GABRA3: variants seen among roughly 807,000 people sequenced by gnomAD.
GABRA3 encodes the protein gamma-aminobutyric acid receptor subunit alpha-3.
A neutral mutation model predicts 30.1 loss-of-function variants in GABRA3; 10 were observed. The ratio of observed to expected loss-of-function variants is 0.33; its 90% CI spans 0.20 to 0.56. The LOEUF (loss-of-function observed/expected upper bound fraction) is 0.56, where lower values mean the gene tolerates loss of function less well. GABRA3 is among the 20% of genes least tolerant of loss of function. The probability of loss-of-function intolerance (pLI) is 0.89; values close to 1 mark genes in which losing one functional copy is unlikely to be tolerated. For synonymous variants in GABRA3, 151 were observed against 146.8 expected, an observed-to-expected ratio of 1.03 and a Z score of -0.21; for missense variants, 233 against 392.0, an observed-to-expected ratio of 0.59 and a Z score of 3.42.
intron 4 of GABRA3, among the ~76,000 whole-genome samples, chrX:152,272,275 G>A (rs1037764518): frequency 8.9e-6 from 1 of 112,547 alleles, no homozygotes; most frequent in African/African-American, 3.2e-5. Flanking sequence ...GCCCAAGGCT[G>A]TGGGAGCCCA....
chrX:152,230,649 T>TA (rs1160215768), intron 5 of GABRA3, among the ~76,000 whole-genome samples: 1 of 110,833 alleles, frequency 9.0e-6, no homozygotes, highest in Non-Finnish European at 1.9e-5. Context: ...AATCCAGAAA[T>TA]AAACTTTGAT....
At chrX:152,200,793 C>T (rs1487696879) in intron 7 of GABRA3, among the ~76,000 whole-genome samples, 1 of 112,309 alleles carries the variant, frequency 8.9e-6, no homozygotes, top group Non-Finnish European at 1.9e-5. Context: ...AGCAAATGGA[C>T]TTTTCAAAAG....
At position 152,364,433 on chromosome X, in the gene GABRA3, G is replaced by A. The variant is rs750283492; in HGVS notation, c.138C>T (p.Gly46=). Reference sequence around the variant, plus strand: ...TCCTAAGAGTTAGGGGTTCTTACCCGCCAATGTCCTGCTTCACAAAGTCCC... The same window carrying A: ...TCCTAAGAGTTAGGGGTTCTTACCCACCAATGTCCTGCTTCACAAAGTCCC... ...EPGDFVKQDI[G]GLSPKHAPDI... Residue 46 remains glycine (G), a splice_region_variant and synonymous_variant, in exon 2 of 10, where the codon GGC becomes GGT. Transcript: ENST00000370314. The A allele has an allele frequency of 3.3e-6, 4 of 1,206,599 alleles. No individual in the cohort carries two copies. Among genetic ancestry groups the A allele is most frequent in the South Asian group, 1.8e-5 (1 of 56,161 alleles).
intron 1 of GABRA3, among the ~76,000 whole-genome samples, chrX:152,368,648 T>G (rs764565360): frequency 7.2e-5 from 8 of 110,427 alleles, no homozygotes; most frequent in Non-Finnish European, 1.5e-4. Flanking sequence ...CCTTTGGATA[T>G]ATAACCAGTA....
chrX:152,443,764 T>A (rs1281971093), intron 1 of GABRA3, among the ~76,000 whole-genome samples: 3 of 111,658 alleles, frequency 2.7e-5, no homozygotes, highest in Non-Finnish European at 5.7e-5. Flanking sequence ...AATGTGACAT[T>A]TGAATAAAGA....
chrX:152,362,667 T>C (rs1051155434), intron 2 of GABRA3, among the ~76,000 whole-genome samples: 1 of 111,330 alleles, frequency 9.0e-6, no homozygotes, highest in Non-Finnish European at 1.9e-5. Context: ...AGAGACAACA[T>C]CAGATTAAAC....
chrX:152,184,554 T>C (rs1312631720), intron 9 of GABRA3, among the ~76,000 whole-genome samples: 1 of 111,683 alleles, frequency 9.0e-6, no homozygotes, highest in African/African-American at 3.2e-5. Context: ...ATTTCACATA[T>C]TGAGCAGGCT....
intron 1 of GABRA3, among the ~76,000 whole-genome samples, chrX:152,408,958 A>G (rs1443541807): frequency 8.9e-6 from 1 of 112,167 alleles, no homozygotes; most frequent in Non-Finnish European, 1.9e-5. Flanking sequence ...TGACAAGAAC[A>G]TACACTGGGA....
At chrX:152,380,386 T>C (rs972199614) in intron 1 of GABRA3, among the ~76,000 whole-genome samples, 2 of 112,417 alleles carry the variant, frequency 1.8e-5, no homozygotes, top group Non-Finnish European at 3.8e-5. Flanking sequence ...TCAGTTAGCA[T>C]AGTATCCTTC....
At chrX:152,423,093 C>G (rs769268459) in intron 1 of GABRA3, among the ~76,000 whole-genome samples, 1 of 111,734 alleles carries the variant, frequency 8.9e-6, no homozygotes, top group Non-Finnish European at 1.9e-5. Flanking sequence ...GATATTTCAT[C>G]TAATAATGAA....
chrX:152,196,088 T>A (rs758505448), intron 8 of GABRA3, among the ~76,000 whole-genome samples: 1,350 of 109,686 alleles, frequency 0.012, 28 homozygotes, highest in African/African-American at 0.042. Context: ...GACATTAGCT[T>A]AAAAGAATGG....
intron 7 of GABRA3, among the ~76,000 whole-genome samples, chrX:152,204,296 T>C (rs1402797128): frequency 9.0e-6 from 1 of 111,713 alleles, no homozygotes; most frequent in Non-Finnish European, 1.9e-5. Flanking sequence ...TTTCAGTATA[T>C]ACCTGTTATT....
intron 9 of GABRA3, among the ~76,000 whole-genome samples, chrX:152,181,314 T>A (rs752016536): frequency 8.9e-6 from 1 of 112,153 alleles, no homozygotes; most frequent in East Asian, 2.8e-4. Context: ...GGGATTGCTT[T>A]CTTGATTTCT....
Position 152,330,905 on chromosome X carries a change from T to A in GABRA3, c.262+14676A>T, listed in dbSNP as rs1043420178. 7.2e-5 allele frequency among the ~76,000 whole-genome samples: 8 copies of A among 111,598 alleles called. No homozygotes were observed. The Admixed American group carries it at 7.6e-4, about 11-fold the overall frequency. On this transcript the variant is annotated intron_variant, in intron 3 of 9. Coordinates refer to ENST00000370314, the MANE Select transcript of GABRA3 (RefSeq NM_000808.4). ...TAATTAATATTAACATAAAAAGGAATCTTTGTAGTCTTGCATTAAAAACCC... is the reference window on the plus strand; with the variant it reads ...TAATTAATATTAACATAAAAAGGAAACTTTGTAGTCTTGCATTAAAAACCC...
intron 1 of GABRA3, among the ~76,000 whole-genome samples, chrX:152,404,117 T>C (rs1274474133): frequency 9.1e-6 from 1 of 110,440 alleles, no homozygotes; most frequent in Non-Finnish European, 1.9e-5. Flanking sequence ...ACACAAAGAG[T>C]AAGGATGGAA....
intron 3 of GABRA3, among the ~76,000 whole-genome samples, chrX:152,321,888 C>G (rs12687406): frequency 0.066 from 7,255 of 110,392 alleles, 279 homozygotes; most frequent in African/African-American, 0.12. Context: ...CTCTTCTCCC[C>G]GCCACTCCTC....
intron 1 of GABRA3, among the ~76,000 whole-genome samples, chrX:152,442,293 C>T (rs1286755567): frequency 9.1e-6 from 1 of 110,214 alleles, no homozygotes; most frequent in Admixed American, 9.7e-5. Flanking sequence ...CGACAAAATG[C>T]TAACAGTTGT....
chrX:152,302,701 T>C (rs965594289), intron 3 of GABRA3, among the ~76,000 whole-genome samples: 5 of 110,779 alleles, frequency 4.5e-5, no homozygotes, highest in African/African-American at 9.9e-5. Context: ...CAGTCCATAA[T>C]AGGTAGTTTT....
At chrX:152,238,399 A>G (rs1300822072) in intron 5 of GABRA3, among the ~76,000 whole-genome samples, 1 of 105,198 alleles carries the variant, frequency 9.5e-6, no homozygotes, top group Non-Finnish European at 1.9e-5. Context: ...TTTTGCCAGT[A>G]TTTTATTGAG....
Sources: gnomAD v4.1 joint callset for allele counts (sites outside exome capture counted in the v4.1 genomes callset) on GRCh38, gnomAD v4.1.1 for gene constraint, MANE v1.5 for transcripts, NCBI Gene and HGNC (gene_info 2026-07-23, HGNC 2026-07-21) for gene names.